The following GLI3 variants were observed in gnomAD, a reference collection of about 807,000 sequenced individuals.
GLI3 encodes the protein GLI family zinc finger 3.
GLI3 carries 20 observed loss-of-function variants against 100.8 expected under a neutral mutation model. The ratio of observed to expected loss-of-function variants is 0.20; its 90% CI spans 0.14 to 0.29. The LOEUF (loss-of-function observed/expected upper bound fraction) is 0.29. Among genes scored for constraint, GLI3 ranks in the 10% least tolerant of loss-of-function variants. The pLI is 1.00. For missense variants in GLI3, 2,040 were observed against 2,128.5 expected, an observed-to-expected ratio of 0.96 and a Z score of 0.82; for synonymous variants, 938 against 860.5, an observed-to-expected ratio of 1.09 and a Z score of -1.58.
intron 1 of GLI3, among the ~76,000 whole-genome samples, chr7:42,248,298 G>A (rs573180941): frequency 3.7e-4 from 57 of 152,180 alleles, no homozygotes; most frequent in Non-Finnish European, 6.8e-4. Context: ...ATAATCAGGA[G>A]TGGAGATACT....
At chr7:42,262,924 C>T (rs1789160316) in intron 1 of GLI3, among the ~76,000 whole-genome samples, 1 of 151,682 alleles carries the variant, frequency 6.6e-6, no homozygotes, top group South Asian at 2.1e-4. Context: ...AGAGCAGTGC[C>T]TTGCAAGGCA....
At chr7:42,032,056 A>G (rs1721710724) in intron 7 of GLI3, among the ~76,000 whole-genome samples, 1 of 152,196 alleles carries the variant, frequency 6.6e-6, no homozygotes, top group South Asian at 2.1e-4. Flanking sequence ...CACCTCACTT[A>G]CATGGAAGTC....
At chr7:42,054,344 A>G (rs1276877901) in intron 4 of GLI3, among the ~76,000 whole-genome samples, 4 of 152,200 alleles carry the variant, frequency 2.6e-5, no homozygotes, top group African/African-American at 9.7e-5. Context: ...TGCCAAGATT[A>G]AAATCACAGT....
chr7:42,241,796 T>C (rs1788927809), upstream of GLI3, among the ~76,000 whole-genome samples: 1 of 152,098 alleles, frequency 6.6e-6, no homozygotes, highest in Non-Finnish European at 1.5e-5. Flanking sequence ...TTTCTGCAAA[T>C]TTCAGAGCCC....
intron 3 of GLI3, among the ~76,000 whole-genome samples, chr7:42,078,560 C>T (rs918305197): frequency 3.3e-5 from 5 of 152,008 alleles, no homozygotes; most frequent in African/African-American, 9.7e-5. Context: ...AATGACTCAC[C>T]GTACTTTGTG....
chr7:42,143,597 A>G (rs1477092493), intron 3 of GLI3, among the ~76,000 whole-genome samples: 1 of 152,252 alleles, frequency 6.6e-6, no homozygotes, highest in Non-Finnish European at 1.5e-5. Flanking sequence ...TTTAGCACAC[A>G]AGAATGCAAG....
chr7:42,191,289 T>C (rs57450445), intron 2 of GLI3, among the ~76,000 whole-genome samples: 29,473 of 152,114 alleles, frequency 0.19, 2,877 homozygotes, highest in Middle Eastern at 0.29. Flanking sequence ...AGCTTTTCTG[T>C]TCACCAGCAA....
intron 1 of GLI3, among the ~76,000 whole-genome samples, chr7:42,263,620 G>T (rs944215533): frequency 7.2e-5 from 11 of 151,874 alleles, no homozygotes; most frequent in African/African-American, 2.7e-4. Context: ...CTAATTTTTT[G>T]TATTTTTAGT....
In GLI3 at chr7:42,033,125, G is replaced by A. The variant is rs540982956; in HGVS notation, c.1029-6713C>T. ...AGCTGGGCAGGTAGGTGATGCATTA[G>A]AGAACTAAGCCACAGGCAAGCCCTG... is the stretch of plus-strand genomic sequence containing the variant. On this transcript the variant is annotated intron_variant, in intron 7 of 14. Coordinates refer to ENST00000395925, the MANE Select transcript of GLI3 (RefSeq NM_000168.6). 2.4e-4 allele frequency among the ~76,000 whole-genome samples: 36 copies of A among 152,288 alleles called. 1 individual carries two copies. In the South Asian group the frequency reaches 7.1e-3, roughly 30 times the overall value.
At chr7:42,242,152 T>G (rs1788931813), upstream of GLI3, among the ~76,000 whole-genome samples, 1 of 152,158 alleles carries the variant, frequency 6.6e-6, no homozygotes, top group Non-Finnish European at 1.5e-5. Context: ...TGTTCTGTCT[T>G]TCTTTGAGTT....
intron 1 of GLI3, among the ~76,000 whole-genome samples, chr7:42,246,805 C>CTT (rs71006467): frequency 0.056 from 5,302 of 94,414 alleles, 875 homozygotes; most frequent in Non-Finnish European, 0.074. Flanking sequence ...ATGATAGAAT[C>CTT]TTTTTTTTTT....
chr7:42,255,206 A>G (rs1789073238), intron 1 of GLI3, among the ~76,000 whole-genome samples: 1 of 152,054 alleles, frequency 6.6e-6, no homozygotes, highest in Non-Finnish European at 1.5e-5. Flanking sequence ...TCTTTCAGAT[A>G]AAAAAATAAA....
At chr7:42,250,177 A>G (rs1789017065) in intron 1 of GLI3, among the ~76,000 whole-genome samples, 2 of 152,162 alleles carry the variant, frequency 1.3e-5, no homozygotes, top group South Asian at 4.1e-4. Flanking sequence ...GCACTGAAGT[A>G]TGTGAAGGCT....
At chr7:42,206,062 G>A (rs998424306) in intron 2 of GLI3, among the ~76,000 whole-genome samples, 3 of 152,116 alleles carry the variant, frequency 2.0e-5, no homozygotes, top group East Asian at 1.9e-4. Flanking sequence ...GAGGTCAGAA[G>A]TTCGAGACCA....
intron 3 of GLI3, among the ~76,000 whole-genome samples, chr7:42,123,588 C>A (rs759378686): frequency 2.4e-4 from 37 of 152,200 alleles, no homozygotes; most frequent in Non-Finnish European, 4.9e-4. Flanking sequence ...TTCTCCATAG[C>A]ATAAAATAAC....
chr7:42,214,275 A>G (rs1788329373), intron 2 of GLI3, among the ~76,000 whole-genome samples: 1 of 152,182 alleles, frequency 6.6e-6, no homozygotes, highest in African/African-American at 2.4e-5. Flanking sequence ...GAGGCAGGGA[A>G]AAGTCTCCCC....
At chr7:42,005,849 A>G (rs1034918184) in intron 10 of GLI3, among the ~76,000 whole-genome samples, 1 of 152,124 alleles carries the variant, frequency 6.6e-6, no homozygotes, top group Admixed American at 6.5e-5. Context: ...GGAGGACACT[A>G]GTTAGTGAGA....
rs531098202 is a variant in GLI3 at position 41,965,723 on chromosome 7, G to A, written c.3350C>T (p.Pro1117Leu). 9 of 1,613,594 alleles carry A rather than the reference G, an allele frequency of 5.6e-6. No individual in the cohort carries two copies. The highest frequency in any genetic ancestry group is 3.3e-5 in the South Asian group (3 of 91,092). The change falls in exon 15 of 15, where the codon CCG (proline) becomes CTG (leucine). Residue 1117 changes from proline to leucine, a missense_variant. By Grantham distance (98) the Pro-to-Leu change is moderately conservative (BLOSUM62 -3). Coordinates refer to ENST00000395925, the MANE Select transcript of GLI3 (RefSeq NM_000168.6). ...CCCGTGGGGCACTTTGCTGTCGTCCGGGAGGGCGCTGGGGAAGTGCTGCTC... is the reference window on the plus strand; with the variant it reads ...CCCGTGGGGCACTTTGCTGTCGTCCAGGAGGGCGCTGGGGAAGTGCTGCTC... ...GYEQHFPSAL[P>L]DDSKVPHGPG...
At chr7:42,182,672 ATATATATATACACATGTGTG>A (rs1409834935) in intron 2 of GLI3, among the ~76,000 whole-genome samples, 23 of 67,122 alleles carry the variant, frequency 3.4e-4, no homozygotes, top group Admixed American at 5.8e-4. Flanking sequence ...ATATATATAT[ATATATATATACACATGTGTG>A]TATATATATA....
Sources: gnomAD v4.1 joint callset for allele counts (sites outside exome capture counted in the v4.1 genomes callset) on GRCh38, gnomAD v4.1.1 for gene constraint, MANE v1.5 for transcripts, NCBI Gene and HGNC (gene_info 2026-07-23, HGNC 2026-07-21) for gene names.